The following RAB33B variants were observed in gnomAD, a reference collection of about 807,000 sequenced individuals.
RAB33B encodes RAB33B, member RAS oncogene family, also known as ras-related protein Rab-33B.
Under a neutral mutation model 15.0 loss-of-function variants are expected in RAB33B, and 6 were observed. The observed-to-expected ratio is 0.40, with a 90% confidence interval of 0.22 to 0.79. The LOEUF is 0.79. Ranked by LOEUF, RAB33B falls within the 30% of genes least tolerant of loss-of-function variation. RAB33B has a pLI of 0.37. For missense variants in RAB33B, 257 were observed against 296.4 expected (o/e 0.87, Z 0.98); for synonymous variants, 117 against 108.3 (o/e 1.08, Z -0.50).
intron 1 of RAB33B, among the ~76,000 whole-genome samples, chr4:139,470,326 C>T (rs573719509): frequency 6.0e-4 from 92 of 152,324 alleles, no homozygotes; most frequent in South Asian, 1.2e-3. Context: ...CCACTTGTAG[C>T]CATTGCCACT....
At chr4:139,447,183 C>G in the RAB33B span, among the ~76,000 whole-genome samples, 1 of 152,150 alleles carries the variant, frequency 6.6e-6, no homozygotes, top group African/African-American at 2.4e-5. Context: ...TTACCATGTT[C>G]CCCCGTCATC....
Position 139,473,338 on chromosome 4 carries a change from C to A in RAB33B, c.*212C>A. On this transcript the variant is annotated 3_prime_UTR_variant, in exon 2 of 2. Coordinates refer to ENST00000305626, the MANE Select transcript of RAB33B (RefSeq NM_031296.3). Reference sequence around the variant, plus strand: ...TTTTCAGGTGAGATTGAAAATGAAGCAAAGATAGGATGAATCTGAACATCT... The same window carrying A: ...TTTTCAGGTGAGATTGAAAATGAAGAAAAGATAGGATGAATCTGAACATCT... 1 of 536,814 alleles carries A rather than the reference C, an allele frequency of 1.9e-6. No individual in the cohort carries two copies. Among genetic ancestry groups the A allele is most frequent in the South Asian group, 2.9e-5 (1 of 34,508 alleles). The allele number at this position is 536,814 out of a possible 1,614,324, so 33.3% of individuals were successfully genotyped here. A position where few individuals can be genotyped will look rare whatever the true frequency, so the allele number is the denominator to read the frequency against.
intron 1 of RAB33B, among the ~76,000 whole-genome samples, chr4:139,459,013 T>A (rs867712936): frequency 6.6e-6 from 1 of 152,292 alleles, no homozygotes; most frequent in South Asian, 2.1e-4. Flanking sequence ...ATTAGTGATG[T>A]TGAGCATTTT....
At chr4:139,457,985 A>C (rs966612057) in intron 1 of RAB33B, among the ~76,000 whole-genome samples, 16 of 152,192 alleles carry the variant, frequency 1.1e-4, no homozygotes, top group African/African-American at 3.9e-4. Context: ...GAACTGTTGC[A>C]GCAGCTTAAC....
chr4:139,454,323 A>T lies in RAB33B; in HGVS notation c.128A>T (p.Asn43Ile), dbSNP rs371561776. ...AAGATAATCGTGATCGGCGACTCCA[A>T]TGTGGGCAAGACATGCCTGACCTAC... Reference protein sequence around the residue: ...IFKIIVIGDSNVGKTCLTYRF... With the variant: ...IFKIIVIGDSIVGKTCLTYRF... Residue 43 changes from asparagine to isoleucine, a missense_variant, in exon 1 of 2, where the codon AAT becomes ATT. Transcript: ENST00000305626. 1.2e-6 allele frequency: 2 copies of T among 1,614,080 alleles called. No individual in the cohort carries two copies. Among genetic ancestry groups the T allele is most frequent in the Non-Finnish European group, 1.7e-6 (2 of 1,180,000 alleles).
the RAB33B span, among the ~76,000 whole-genome samples, chr4:139,443,784 C>T: frequency 3.3e-5 from 5 of 152,246 alleles, no homozygotes; most frequent in African/African-American, 7.2e-5. Flanking sequence ...TAGCAAGTAG[C>T]GGCAACATCC....
At chr4:139,439,146 A>G in the RAB33B span, among the ~76,000 whole-genome samples, 1 of 152,028 alleles carries the variant, frequency 6.6e-6, no homozygotes, top group Non-Finnish European at 1.5e-5. Context: ...GACTACAGGC[A>G]CCCACTACCA....
intron 1 of RAB33B, among the ~76,000 whole-genome samples, chr4:139,457,669 A>G (rs148758694): frequency 4.7e-4 from 72 of 152,364 alleles, no homozygotes; most frequent in Non-Finnish European, 1.0e-3. Context: ...GAGAATTATG[A>G]TACGGCACAA....
chr4:139,454,099 C>T (rs551015649), upstream of RAB33B: 22 of 1,419,074 alleles, frequency 1.6e-5, 1 homozygote, highest in African/African-American at 2.3e-4. Context: ...GTTGCGCAGC[C>T]GAACTGGCCG....
chr4:139,453,199 A>T (rs903439173), upstream of RAB33B: 2 of 152,198 alleles, frequency 1.3e-5, no homozygotes, highest in African/African-American at 4.8e-5. Context: ...AGTAACTACC[A>T]GGTTCAACGC....
At chr4:139,463,778 T>C (rs888235172) in intron 1 of RAB33B, among the ~76,000 whole-genome samples, 2 of 152,240 alleles carry the variant, frequency 1.3e-5, no homozygotes, top group Admixed American at 1.3e-4. Context: ...CTGTCGTGTA[T>C]TGGCTGGGTC....
chr4:139,462,674 G>A (rs1750197427), intron 1 of RAB33B, among the ~76,000 whole-genome samples: 1 of 152,164 alleles, frequency 6.6e-6, no homozygotes. Context: ...TGTGTGTCTG[G>A]TGTACAGAAT....
Position 139,473,290 on chromosome 4 carries a change from T to C in RAB33B, c.*164T>C, listed in dbSNP as rs1468119383. The stretch of plus-strand genomic sequence containing the variant: ...TTTTGTATCTACTTAAGTTTGTCAC[T>C]GTGACAACACAGGAAAAGTTGGTTT... On this transcript the variant is annotated 3_prime_UTR_variant, in exon 2 of 2. Transcript: ENST00000305626. The C allele has an allele frequency of 3.0e-6, 2 of 663,484 alleles. No homozygotes were observed. Among genetic ancestry groups the C allele is most frequent in the South Asian group, 2.6e-5 (1 of 38,372 alleles). 41.1% of individuals were successfully genotyped at this position (663,484 alleles called of 1,614,324 possible). A position where few individuals can be genotyped will look rare whatever the true frequency, so the allele number is the denominator to read the frequency against.
chr4:139,441,746 A>G, the RAB33B span, among the ~76,000 whole-genome samples: 2 of 152,226 alleles, frequency 1.3e-5, no homozygotes, highest in African/African-American at 4.8e-5. Context: ...TTTTTGGACT[A>G]TTGTAAAGTT....
chr4:139,458,028 CAATT>C (rs1285585360), intron 1 of RAB33B, among the ~76,000 whole-genome samples: 1 of 152,182 alleles, frequency 6.6e-6, no homozygotes, highest in Non-Finnish European at 1.5e-5. Flanking sequence ...TCCCAGTCCT[CAATT>C]AATCTATTTT....
chr4:139,454,136 T>A lies in RAB33B; in HGVS notation c.-60T>A. On this transcript the variant is annotated 5_prime_UTR_variant, in exon 1 of 2. Coordinates refer to ENST00000305626, the MANE Select transcript of RAB33B (RefSeq NM_031296.3). ...CTGGGCGCGCGCTCTTGCGGTGGCG[T>A]AATCTCTCAGCCTTTCTGTGTCTCC... The A allele has an allele frequency of 6.5e-7, 1 of 1,536,482 alleles. No individual in the cohort carries two copies. Among genetic ancestry groups the A allele is most frequent in the Non-Finnish European group, 8.8e-7 (1 of 1,142,078 alleles).
Position 139,472,676 on chromosome 4 carries a change from C to A in RAB33B, c.250-10C>A. On this transcript the variant is annotated splice_polypyrimidine_tract_variant and intron_variant, in intron 1 of 1. Transcript: ENST00000305626. ...ATTTTCAGTTTTCCTCTTTTTCTTC[C>A]CATTTTTAGATCCAGCTATGGGACA... is the stretch of plus-strand genomic sequence containing the variant. 1 of 1,561,102 alleles carries A rather than the reference C, an allele frequency of 6.4e-7. No individual in the cohort carries two copies. The highest frequency in any genetic ancestry group is 8.7e-7 in the Non-Finnish European group (1 of 1,151,248).
chr4:139,473,402 A>G lies in RAB33B; in HGVS notation c.*276A>G, dbSNP rs1415605348. ...CCAATGAAGGAAGCTTCAAATGAGAACATGATGGAATCAGTAACCATTCAA... is the reference window on the plus strand; with the variant it reads ...CCAATGAAGGAAGCTTCAAATGAGAGCATGATGGAATCAGTAACCATTCAA... On this transcript the variant is annotated 3_prime_UTR_variant, in exon 2 of 2. Transcript: ENST00000305626. The G allele has an allele frequency of 2.4e-6, 1 of 413,726 alleles. No homozygotes were observed. Among genetic ancestry groups the G allele is most frequent in the Non-Finnish European group, 4.3e-6 (1 of 232,864 alleles). 25.6% of individuals were successfully genotyped at this position (413,726 alleles called of 1,614,324 possible).
the RAB33B span, among the ~76,000 whole-genome samples, chr4:139,441,290 G>T: frequency 6.6e-6 from 1 of 152,160 alleles, no homozygotes; most frequent in Admixed American, 6.5e-5. Context: ...CAGGGTTGAG[G>T]AAATAGATTC....
Sources: allele counts gnomAD v4.1 joint callset (sites outside exome capture counted in the v4.1 genomes callset), GRCh38; gene constraint gnomAD v4.1.1; transcripts MANE v1.5; gene names NCBI Gene and HGNC (gene_info 2026-07-23, HGNC 2026-07-21).